The following RFX8 variants were observed in gnomAD, a reference collection of about 807,000 sequenced individuals.
The protein encoded by RFX8 is DNA-binding protein RFX8.
RFX8 carries 46 observed loss-of-function variants against 54.6 expected under a neutral mutation model. The ratio of observed to expected loss-of-function variants is 0.84; its 90% CI spans 0.67 to 1.08. The LOEUF (loss-of-function observed/expected upper bound fraction) is 1.08, where lower values mean the gene tolerates loss of function less well. RFX8 is among the 50% of genes least tolerant of loss of function. RFX8 has a pLI of 0.00. For synonymous variants in RFX8, 192 were observed against 209.5 expected (o/e 0.92, Z 0.72); for missense variants, 536 against 562.3 (o/e 0.95, Z 0.47).
chr2:101,398,379 G>A (rs1041878548), intron 11 of RFX8, among the ~76,000 whole-genome samples: 1 of 152,144 alleles, frequency 6.6e-6, no homozygotes, highest in Admixed American at 6.5e-5. Context: ...AAGTCGGGAG[G>A]GAGCCTGTGA....
Position 101,410,631 on chromosome 2 carries a change from T to C in RFX8, c.801A>G (p.Ala267=). 1 of 1,523,744 alleles carries C rather than the reference T, an allele frequency of 6.6e-7. No homozygotes were observed. Among genetic ancestry groups the C allele is most frequent in the Non-Finnish European group, 8.9e-7 (1 of 1,124,264 alleles). The allele number at this position is 1,523,744 out of a possible 1,614,324, so 94.4% of individuals were successfully genotyped here. A position where few individuals can be genotyped will look rare whatever the true frequency, so the allele number is the denominator to read the frequency against. The change falls in exon 9 of 12, where the codon GCA becomes GCG. Residue 267 remains alanine, a synonymous_variant. Transcript: ENST00000428343. ...CACAGCTTCCTACCTGGAACACAAA[T>C]GCTTGGAGATGTGAAGACAGACAGC... ...FLSCLSSHLQ[A]FVFQTSRSKE... is the part of the protein sequence containing the mutation.
At chr2:101,430,932 T>C (rs1168075539) in intron 2 of RFX8, among the ~76,000 whole-genome samples, 3 of 152,198 alleles carry the variant, frequency 2.0e-5, no homozygotes, top group South Asian at 2.1e-4. Flanking sequence ...CAAAATATGG[T>C]CATCACTCTT....
chr2:101,456,672 TC>T (rs1165460738), intron 2 of RFX8, among the ~76,000 whole-genome samples: 16 of 152,182 alleles, frequency 1.1e-4, no homozygotes, highest in African/African-American at 3.4e-4. Flanking sequence ...TCTAAAATTC[TC>T]TTTTTTTTTG....
intron 11 of RFX8, 87 bp downstream of exon 11, chr2:101,402,349 C>A: frequency 8.6e-7 from 1 of 1,156,824 alleles, no homozygotes; most frequent in Non-Finnish European, 1.2e-6. Flanking sequence ...ATTGTTTGGA[C>A]AAAGTGATCT....
chr2:101,469,056 G>T (rs1348094728), intron 1 of RFX8, among the ~76,000 whole-genome samples: 7 of 10,638 alleles, frequency 6.6e-4, no homozygotes, highest in African/African-American at 1.2e-3. Flanking sequence ...ATATATATAC[G>T]TATATATATG....
intron 2 of RFX8, among the ~76,000 whole-genome samples, chr2:101,461,629 C>G (rs1363432386): frequency 6.6e-6 from 1 of 152,146 alleles, no homozygotes; most frequent in African/African-American, 2.4e-5. Context: ...TGAGTCACCC[C>G]AACCCCAGAC....
chr2:101,463,162 A>G (rs11904192), intron 2 of RFX8, among the ~76,000 whole-genome samples: 2 of 152,062 alleles, frequency 1.3e-5, no homozygotes, highest in African/African-American at 4.8e-5. Flanking sequence ...CATGCCATAA[A>G]GTGAATTGTG....
chr2:101,430,560 G>A (rs1299268554), intron 2 of RFX8, among the ~76,000 whole-genome samples: 2 of 152,166 alleles, frequency 1.3e-5, no homozygotes, highest in Non-Finnish European at 2.9e-5. Flanking sequence ...CTGCAAGCCA[G>A]GAAGACAGCC....
In RFX8 at chr2:101,469,106, AAGTG is replaced by A. The variant is rs1558896994; in HGVS notation, c.-52-2210_-52-2207del. ...TGTATATATATAAGTATATATATAT[AAGTG>A]TATATATATATAAGTATATATATAT... On this transcript the variant is annotated intron_variant, in intron 1 of 11. Transcript: ENST00000428343. Among the ~76,000 whole-genome samples the A allele has an allele frequency of 1.6e-3, 35 of 21,956 alleles. 1 individual carries two copies. The highest frequency in any genetic ancestry group is 3.1e-3 in the African/African-American group (24 of 7,814). The allele number at this position is 21,956 out of a possible 152,430, so 14.4% of individuals were successfully genotyped here. A position where few individuals can be genotyped will look rare whatever the true frequency, so the allele number is the denominator to read the frequency against.
chr2:101,458,881 C>T (rs1689122234), intron 2 of RFX8, among the ~76,000 whole-genome samples: 1 of 152,154 alleles, frequency 6.6e-6, no homozygotes, highest in African/African-American at 2.4e-5. Flanking sequence ...TCACATAGTC[C>T]CATATTTCTT....
At chr2:101,417,498 GC>G in intron 6 of RFX8, 35 bp downstream of exon 6, 1 of 1,527,656 alleles carries the variant, frequency 6.5e-7, no homozygotes, top group East Asian at 2.5e-5. Context: ...GAGCCACTGT[GC>G]CAGCCCAGAA....
chr2:101,417,826 C>G (rs988103879), intron 5 of RFX8, 142 bp from the exon 6 acceptor site: 2 of 530,496 alleles, frequency 3.8e-6, no homozygotes, highest in African/African-American at 2.0e-5. Flanking sequence ...CACCATGCAA[C>G]GTGGCCACTG....
intron 8 of RFX8, among the ~76,000 whole-genome samples, chr2:101,411,907 G>A (rs1686154451): frequency 6.6e-6 from 1 of 152,194 alleles, no homozygotes; most frequent in African/African-American, 2.4e-5. Context: ...TACAGGTGGT[G>A]CTTTTGTGTA....
chr2:101,469,058 A>ACG (rs1558896457), intron 1 of RFX8, among the ~76,000 whole-genome samples: 177 of 14,874 alleles, frequency 0.012, 10 homozygotes, highest in African/African-American at 0.048. Context: ...ATATATACGT[A>ACG]TATATATGTA....
Position 101,442,009 on chromosome 2 carries a change from T to C in RFX8, c.73-19537A>G, listed in dbSNP as rs1688124296. Among the ~76,000 whole-genome samples, 4 of 152,192 alleles carry C rather than the reference T, an allele frequency of 2.6e-5. No individual in the cohort carries two copies. The South Asian group carries it at 8.3e-4, about 32-fold the overall frequency. On this transcript the variant is annotated intron_variant, in intron 2 of 11. Transcript: ENST00000428343. ...TTCTCTTTTCTTGCCTTTCTGAGGA[T>C]TAAACAACGTTGAGGACTCTATCTT... is the stretch of plus-strand genomic sequence containing the variant.
At chr2:101,452,506 T>G (rs2148974517) in intron 2 of RFX8, 2 of 745,254 alleles carry the variant, frequency 2.7e-6, no homozygotes, top group African/African-American at 3.7e-5. Context: ...AACTTCCAAT[T>G]TTTTATCTTA....
chr2:101,399,890 G>T (rs1685333834), intron 11 of RFX8, among the ~76,000 whole-genome samples: 1 of 152,174 alleles, frequency 6.6e-6, no homozygotes, highest in Admixed American at 6.5e-5. Context: ...AATTAAAGCA[G>T]ATGGTAGAAA....
At chr2:101,435,940 C>T (rs68021122) in intron 2 of RFX8, among the ~76,000 whole-genome samples, 41,051 of 152,072 alleles carry the variant, frequency 0.27, 5,912 homozygotes, top group South Asian at 0.35. Context: ...CACCACAATT[C>T]CCATCCCACC....
intron 6 of RFX8, among the ~76,000 whole-genome samples, chr2:101,416,294 A>C (rs1452736479): frequency 1.3e-5 from 2 of 152,214 alleles, no homozygotes; most frequent in Admixed American, 6.5e-5. Context: ...AAAGGAGCAC[A>C]GGAAAACTGG....
Sources: gnomAD v4.1 joint callset for allele counts (sites outside exome capture counted in the v4.1 genomes callset) on GRCh38, gnomAD v4.1.1 for gene constraint, MANE v1.5 for transcripts, NCBI Gene and HGNC (gene_info 2026-07-23, HGNC 2026-07-21) for gene names.